Variants in SLC18A2 observed in about 807,000 individuals in gnomAD.
SLC18A2 encodes synaptic vesicular amine transporter.
SLC18A2 carries 33 observed loss-of-function variants against 59.2 expected under a neutral mutation model. The ratio of observed to expected loss-of-function variants is 0.56; its 90% CI spans 0.42 to 0.75. The LOEUF (loss-of-function observed/expected upper bound fraction) is 0.75, where lower values mean the gene tolerates loss of function less well. SLC18A2 is among the 30% of genes least tolerant of loss of function. The pLI is 0.00. For synonymous variants in SLC18A2, 228 were observed against 253.5 expected (o/e 0.90, Z 0.95); for missense variants, 569 against 668.6 (o/e 0.85, Z 1.64).
chr10:117,250,003 T>C (rs897658458), intron 3 of SLC18A2, among the ~76,000 whole-genome samples: 2 of 152,196 alleles, frequency 1.3e-5, no homozygotes, highest in Non-Finnish European at 2.9e-5. Flanking sequence ...TTGTGACTAA[T>C]GTCAGTTGAG....
intron 10 of SLC18A2, among the ~76,000 whole-genome samples, chr10:117,265,722 C>G (rs74159161): frequency 0.057 from 8,738 of 152,156 alleles, 825 homozygotes; most frequent in African/African-American, 0.2. Context: ...ACTGCTGCCA[C>G]CACCAGCAGG....
At position 117,267,654 on chromosome 10, in the gene SLC18A2, T is replaced by C. The variant is rs751340557; in HGVS notation, c.1123-19T>C. The C allele has an allele frequency of 2.6e-6, 4 of 1,532,668 alleles. No homozygotes were observed. Among genetic ancestry groups the C allele is most frequent in the East Asian group, 4.6e-5 (2 of 43,764 alleles). 94.9% of individuals were successfully genotyped at this position (1,532,668 alleles called of 1,614,324 possible). A position where few individuals can be genotyped will look rare whatever the true frequency, so the allele number is the denominator to read the frequency against. ...TGGATCTCTTGTTATTTTAGCATAATGTTTATTTCCTCTTACAGATTCCAT... is the reference window on the plus strand; with the variant it reads ...TGGATCTCTTGTTATTTTAGCATAACGTTTATTTCCTCTTACAGATTCCAT... On this transcript the variant is annotated intron_variant, in intron 12 of 15. Transcript: ENST00000644641.
In SLC18A2 at chr10:117,270,245, G is replaced by A. The variant is rs886606382; in HGVS notation, c.1306+55G>A. The A allele has an allele frequency of 1.4e-5, 23 of 1,612,906 alleles. 1 individual carries two copies. Among genetic ancestry groups the A allele is most frequent in the South Asian group, 9.9e-5 (9 of 90,770 alleles). On this transcript the variant is annotated intron_variant, in intron 14 of 15. Transcript: ENST00000644641. ...TTTACCTCAATACGTAATGGATAAC[G>A]TCTACTAAAATTGTTTAAATCTTTG...
intron 10 of SLC18A2, among the ~76,000 whole-genome samples, chr10:117,261,629 C>G (rs1022074943): frequency 6.6e-6 from 1 of 152,176 alleles, no homozygotes; most frequent in Non-Finnish European, 1.5e-5. Flanking sequence ...GAAGCTGCCC[C>G]CTGGCTTAGA....
intron 3 of SLC18A2, among the ~76,000 whole-genome samples, chr10:117,245,511 G>GGCAGGGA (rs1184438606): frequency 5.3e-5 from 8 of 152,184 alleles, no homozygotes; most frequent in Admixed American, 2.0e-4. Context: ...AGGGTAGGTG[G>GGCAGGGA]GCAGGGAGCA....
chr10:117,268,981 CACAT>C (rs1301849977), intron 13 of SLC18A2, among the ~76,000 whole-genome samples: 4 of 53,386 alleles, frequency 7.5e-5, no homozygotes, highest in East Asian at 3.1e-4. Context: ...CACAAACACA[CACAT>C]TCATACACAC....
intron 15 of SLC18A2, among the ~76,000 whole-genome samples, chr10:117,275,402 G>C (rs964152722): frequency 3.9e-5 from 6 of 152,136 alleles, no homozygotes; most frequent in African/African-American, 1.4e-4. Context: ...GACAAGATGG[G>C]TTACAATAGG....
intron 3 of SLC18A2, among the ~76,000 whole-genome samples, chr10:117,247,346 T>G (rs906854651): frequency 4.6e-5 from 7 of 152,232 alleles, no homozygotes; most frequent in Admixed American, 1.3e-4. Flanking sequence ...TGAAAGCTTT[T>G]GGGCCAGTCC....
chr10:117,249,622 A>G (rs997086656), intron 3 of SLC18A2, among the ~76,000 whole-genome samples: 2 of 152,232 alleles, frequency 1.3e-5, no homozygotes, highest in Non-Finnish European at 2.9e-5. Flanking sequence ...TTACCACGGT[A>G]GAGGAAACTG....
chr10:117,266,705 A>C, intron 10 of SLC18A2, 28 bp from the exon 11 acceptor site: 1 of 1,539,640 alleles, frequency 6.5e-7, no homozygotes, highest in Non-Finnish European at 9.0e-7. Context: ...ATCAGCACTG[A>C]TAAGGTCTCC....
intron 10 of SLC18A2, among the ~76,000 whole-genome samples, chr10:117,260,505 G>A (rs939796027): frequency 6.6e-6 from 1 of 152,170 alleles, no homozygotes; most frequent in South Asian, 2.1e-4. Context: ...GGGGCGGAAG[G>A]GGGCATAGGC....
At chr10:117,255,422 C>A in intron 7 of SLC18A2, 56 bp downstream of exon 7, 1 of 1,614,076 alleles carries the variant, frequency 6.2e-7, no homozygotes, top group Non-Finnish European at 8.5e-7. Flanking sequence ...CTGGCACGCG[C>A]TTGGGCCACA....
At chr10:117,250,879 G>T (rs1844155798) in intron 3 of SLC18A2, among the ~76,000 whole-genome samples, 1 of 152,228 alleles carries the variant, frequency 6.6e-6, no homozygotes, top group South Asian at 2.1e-4. Flanking sequence ...GCCCTGATGG[G>T]TTACCTGGAA....
chr10:117,267,128 G>T, intron 12 of SLC18A2, 93 bp downstream of exon 12: 1 of 922,490 alleles, frequency 1.1e-6, no homozygotes, highest in Non-Finnish European at 1.7e-6. Context: ...TTACGTTTGA[G>T]TTTGTTGATG....
intron 9 of SLC18A2, among the ~76,000 whole-genome samples, chr10:117,256,800 C>T (rs561188393): frequency 9.0e-4 from 137 of 152,238 alleles, no homozygotes; most frequent in African/African-American, 2.8e-3. Context: ...TGGTGAGGGA[C>T]GGGGGCTCCA....
rs769893247 is a variant in SLC18A2 at position 117,270,150 on chromosome 10, C to T, written c.1266C>T (p.Tyr422=). ...LRHVSVYGSV[Y]AIADVAFCMG... is the part of the protein sequence containing the mutation. The stretch of plus-strand genomic sequence containing the variant: ...ACGTGTCCGTCTATGGGAGTGTGTA[C>T]GCCATTGCGGATGTGGCATTTTGTA... Residue 422 remains tyrosine, a synonymous_variant, in exon 14 of 16, where the codon TAC becomes TAT. Transcript: ENST00000644641. The T allele has an allele frequency of 1.4e-5, 22 of 1,614,218 alleles. No individual in the cohort carries two copies. Among genetic ancestry groups the T allele is most frequent in the Middle Eastern group, 1.6e-4 (1 of 6,062 alleles).
chr10:117,252,465 C>T (rs956162910), intron 3 of SLC18A2, among the ~76,000 whole-genome samples: 5 of 152,000 alleles, frequency 3.3e-5, no homozygotes, highest in Non-Finnish European at 4.4e-5. Context: ...TTGGAGCAAA[C>T]CTTCAATTGG....
In SLC18A2 at chr10:117,257,597, G is replaced by C. The variant is rs149684270; in HGVS notation, c.896-200G>C. ...AAACTTTGTCTCTGGGATTCTAGTTGTTTAAAATGAGGACGACGACGACCA... is the reference window on the plus strand; with the variant it reads ...AAACTTTGTCTCTGGGATTCTAGTTCTTTAAAATGAGGACGACGACGACCA... On this transcript the variant is annotated intron_variant, in intron 9 of 15. Coordinates refer to ENST00000644641, the MANE Select transcript of SLC18A2 (RefSeq NM_003054.6). Among the ~76,000 whole-genome samples the C allele has an allele frequency of 2.3e-4, 35 of 152,304 alleles. 1 individual carries two copies. In the East Asian group the frequency reaches 6.6e-3, roughly 29 times the overall value.
At chr10:117,242,349 C>T (rs1024920843) in intron 2 of SLC18A2, among the ~76,000 whole-genome samples, 1 of 151,880 alleles carries the variant, frequency 6.6e-6, no homozygotes, top group African/African-American at 2.4e-5. Flanking sequence ...ATTATTTTTC[C>T]TATAGTGGAA....
Sources: gnomAD v4.1 joint callset for allele counts (sites outside exome capture counted in the v4.1 genomes callset) on GRCh38, gnomAD v4.1.1 for gene constraint, MANE v1.5 for transcripts, NCBI Gene and HGNC (gene_info 2026-07-23, HGNC 2026-07-21) for gene names.